PPARGC1A: variants seen among roughly 807,000 people sequenced by gnomAD.
PPARGC1A encodes peroxisome proliferator-activated receptor gamma coactivator 1-alpha.
In PPARGC1A, 25 loss-of-function variants were observed where a neutral mutation model predicts 88.7. The observed-to-expected ratio is 0.28, with a 90% CI of 0.21 to 0.39. The LOEUF (loss-of-function observed/expected upper bound fraction) is 0.39, where lower values mean the gene tolerates loss of function less well. Among genes scored for constraint, PPARGC1A ranks in the 10% least tolerant of loss-of-function variants. PPARGC1A has a pLI of 1.00. For missense variants in PPARGC1A, 880 were observed against 968.7 expected (o/e 0.91, Z 1.22); for synonymous variants, 363 against 355.6 (o/e 1.02, Z -0.24).
chr4:23,947,673 T>C, the PPARGC1A span, among the ~76,000 whole-genome samples: 178 of 152,096 alleles, frequency 1.2e-3, no homozygotes, highest in Non-Finnish European at 2.3e-3. Flanking sequence ...CCGTTAGATG[T>C]GGAGACTGCA....
At chr4:24,057,456 TAA>T in the PPARGC1A span, among the ~76,000 whole-genome samples, 212 of 139,472 alleles carry the variant, frequency 1.5e-3, no homozygotes, top group Middle Eastern at 3.7e-3. Context: ...TAAGATGGTT[TAA>T]AAAAAAAAAA....
At chr4:24,321,017 C>G in the PPARGC1A span, among the ~76,000 whole-genome samples, 9 of 152,132 alleles carry the variant, frequency 5.9e-5, no homozygotes, top group African/African-American at 1.2e-4. Context: ...CCCAGCTGCA[C>G]TAATGAAGAG....
the PPARGC1A span, among the ~76,000 whole-genome samples, chr4:24,171,783 T>A: frequency 6.6e-6 from 1 of 152,194 alleles, no homozygotes; most frequent in African/African-American, 2.4e-5. Context: ...ATTAGAAAGA[T>A]TTTTATCCAT....
the PPARGC1A span, among the ~76,000 whole-genome samples, chr4:24,275,532 T>C: frequency 1.3e-5 from 2 of 152,194 alleles, no homozygotes; most frequent in Admixed American, 1.3e-4. Flanking sequence ...AGCACGATAA[T>C]TGCTAGGGAC....
the PPARGC1A span, among the ~76,000 whole-genome samples, chr4:24,404,631 C>G: frequency 1.3e-5 from 2 of 152,104 alleles, no homozygotes; most frequent in Non-Finnish European, 2.9e-5. Context: ...CCTTCTTGAT[C>G]CAAAGTTGGC....
the PPARGC1A span, among the ~76,000 whole-genome samples, chr4:23,962,561 G>A: frequency 2.0e-5 from 3 of 152,148 alleles, no homozygotes; most frequent in African/African-American, 4.8e-5. Flanking sequence ...CAAACTGGGT[G>A]TTGGAAACTC....
chr4:24,019,736 A>G, the PPARGC1A span, among the ~76,000 whole-genome samples: 144 of 152,346 alleles, frequency 9.5e-4, no homozygotes, highest in African/African-American at 3.3e-3. Context: ...CAAATTGAAC[A>G]TAAAAGTTGT....
At chr4:24,229,775 G>A in the PPARGC1A span, among the ~76,000 whole-genome samples, 2 of 150,906 alleles carry the variant, frequency 1.3e-5, no homozygotes, top group South Asian at 4.2e-4. Flanking sequence ...AACCCGGGAG[G>A]CAGAGATTGC....
chr4:23,868,368 T>C (rs900335260), intron 2 of PPARGC1A, among the ~76,000 whole-genome samples: 7 of 152,182 alleles, frequency 4.6e-5, no homozygotes, highest in Admixed American at 1.3e-4. Flanking sequence ...GAGAACATGT[T>C]CTCAGATCTT....
At chr4:24,131,565 T>C in the PPARGC1A span, among the ~76,000 whole-genome samples, 2,168 of 152,330 alleles carry the variant, frequency 0.014, 50 homozygotes, top group African/African-American at 0.05. Context: ...TTCTAAATAT[T>C]TCTCCAACTA....
chr4:24,404,339 A>G, the PPARGC1A span, among the ~76,000 whole-genome samples: 1 of 151,966 alleles, frequency 6.6e-6, no homozygotes, highest in African/African-American at 2.4e-5. Context: ...GAAAACAGAA[A>G]GCAATTTAAG....
chr4:23,960,404 G>T, the PPARGC1A span, among the ~76,000 whole-genome samples: 1 of 152,060 alleles, frequency 6.6e-6, no homozygotes, highest in Admixed American at 6.5e-5. Context: ...TGTCAATAAT[G>T]CTGAGGTATG....
At chr4:24,425,201 G>A in the PPARGC1A span, among the ~76,000 whole-genome samples, 1 of 152,164 alleles carries the variant, frequency 6.6e-6, no homozygotes, top group African/African-American at 2.4e-5. Context: ...AAAAAAATCT[G>A]TGATGGTAAC....
Position 23,814,420 on chromosome 4 carries a change from A to G in PPARGC1A, c.1063T>C (p.Tyr355His), listed in dbSNP as rs749421285. Residue 355 changes from tyrosine to histidine, a missense_variant, in exon 8 of 13, where the codon TAT (tyrosine) becomes CAT (histidine). Transcript: ENST00000264867. ...TKKGPEQSELYAQLSKSSVLT... is the reference protein window; with the variant it reads ...TKKGPEQSELHAQLSKSSVLT... ...ACTGAGGACTTGCTGAGTTGTGCAT[A>G]CAACTCGGATTGCTCCGGCCCTTTC... 6.2e-7 allele frequency: 1 copy of G among 1,613,590 alleles called. No individual in the cohort carries two copies. The highest frequency in any genetic ancestry group is 8.5e-7 in the Non-Finnish European group (1 of 1,179,884).
the PPARGC1A span, among the ~76,000 whole-genome samples, chr4:24,026,676 C>T: frequency 6.6e-6 from 1 of 152,160 alleles, no homozygotes; most frequent in African/African-American, 2.4e-5. Flanking sequence ...CACACGCCTC[C>T]ACCAAATAAT....
the PPARGC1A span, among the ~76,000 whole-genome samples, chr4:24,037,376 T>C: frequency 2.0e-5 from 3 of 152,184 alleles, no homozygotes; most frequent in Non-Finnish European, 2.9e-5. Flanking sequence ...AATTTTACAG[T>C]CATTAATTAC....
the PPARGC1A span, among the ~76,000 whole-genome samples, chr4:24,105,710 C>G: frequency 6.6e-6 from 1 of 151,998 alleles, no homozygotes; most frequent in African/African-American, 2.4e-5. Flanking sequence ...CAGGAAATCC[C>G]CAAATAAAGG....
chr4:24,410,388 T>C, the PPARGC1A span, among the ~76,000 whole-genome samples: 3 of 152,208 alleles, frequency 2.0e-5, no homozygotes, highest in Non-Finnish European at 4.4e-5. Context: ...AAGTTTTGCG[T>C]GTGTTCATCT....
the PPARGC1A span, among the ~76,000 whole-genome samples, chr4:24,180,794 A>C: frequency 5.3e-5 from 8 of 152,308 alleles, no homozygotes; most frequent in Non-Finnish European, 1.2e-4. Context: ...TGAACTAGTC[A>C]TTCTCATCCA....
Sources: gnomAD v4.1 joint callset for allele counts (sites outside exome capture counted in the v4.1 genomes callset) on GRCh38, gnomAD v4.1.1 for gene constraint, MANE v1.5 for transcripts, NCBI Gene and HGNC (gene_info 2026-07-23, HGNC 2026-07-21) for gene names.